KCMF1: variants seen among roughly 807,000 people sequenced by gnomAD.
The protein encoded by KCMF1 is E3 ubiquitin-protein ligase KCMF1.
Under a neutral mutation model 41.1 loss-of-function variants are expected in KCMF1, and 3 were observed. The observed-to-expected ratio is 0.07, with a 90% CI of 0.03 to 0.19. The LOEUF (loss-of-function observed/expected upper bound fraction) is 0.19. Ranked by LOEUF, KCMF1 falls within the 10% of genes least tolerant of loss-of-function variation. The probability of loss-of-function intolerance (pLI) is 1.00; values close to 1 mark genes in which losing one functional copy is unlikely to be tolerated. For missense variants in KCMF1, 286 were observed against 488.9 expected (o/e 0.58, Z 3.91); for synonymous variants, 142 against 164.5 (o/e 0.86, Z 1.04).
chr2:85,024,372 C>G (rs959913615), intron 1 of KCMF1, among the ~76,000 whole-genome samples: 5 of 152,132 alleles, frequency 3.3e-5, no homozygotes. Context: ...CCTTGGGAGG[C>G]TGAGGCAGGA....
chr2:85,009,871 C>A (rs780594946), intron 1 of KCMF1, among the ~76,000 whole-genome samples: 7 of 152,102 alleles, frequency 4.6e-5, no homozygotes, highest in Non-Finnish European at 1.0e-4. Context: ...TCTTAAAGAC[C>A]TTTTATCCAT....
chr2:85,018,427 G>A (rs992547082), intron 1 of KCMF1, among the ~76,000 whole-genome samples: 3 of 151,864 alleles, frequency 2.0e-5, no homozygotes, highest in African/African-American at 4.8e-5. Flanking sequence ...AGGCCAGCAC[G>A]CCAGGCTAAT....
At chr2:84,978,789 C>T (rs1673622352) in intron 1 of KCMF1, among the ~76,000 whole-genome samples, 1 of 152,058 alleles carries the variant, frequency 6.6e-6, no homozygotes, top group Non-Finnish European at 1.5e-5. Context: ...GATCTCAGCT[C>T]ACCACAACCT....
intron 1 of KCMF1, among the ~76,000 whole-genome samples, chr2:84,994,009 G>A (rs952000329): frequency 1.2e-4 from 18 of 151,736 alleles, no homozygotes; most frequent in Non-Finnish European, 1.8e-4. Flanking sequence ...GTGCAGTGGC[G>A]TGACCTCGGC....
rs1675763904 is a variant in KCMF1 at position 85,049,709 on chromosome 2, G to A, written c.884+61G>A. On this transcript the variant is annotated intron_variant, in intron 6 of 6. Coordinates refer to ENST00000409785, the MANE Select transcript of KCMF1 (RefSeq NM_020122.5). ...TAATATTTTATTGCCACTACAGTCT[G>A]GAATTATCTTTTCTCTTTTGTGCAT... is the stretch of plus-strand genomic sequence containing the variant. The A allele has an allele frequency of 3.8e-6, 5 of 1,318,530 alleles. No individual in the cohort carries two copies. In the South Asian group the frequency reaches 6.8e-5, roughly 18 times the overall value. 81.7% of individuals were successfully genotyped at this position (1,318,530 alleles called of 1,614,324 possible).
intron 2 of KCMF1, among the ~76,000 whole-genome samples, chr2:85,033,814 A>G (rs564158468): frequency 2.0e-5 from 3 of 152,188 alleles, no homozygotes; most frequent in African/African-American, 7.2e-5. Flanking sequence ...TTATTCCTTC[A>G]GATACACTTA....
At chr2:85,003,504 A>G (rs1266707550) in intron 1 of KCMF1, among the ~76,000 whole-genome samples, 1 of 151,890 alleles carries the variant, frequency 6.6e-6, no homozygotes, top group African/African-American at 2.4e-5. Context: ...CTTGTTTTAC[A>G]TACCCGTTTG....
intron 1 of KCMF1, among the ~76,000 whole-genome samples, chr2:84,985,594 G>A (rs1179411905): frequency 1.3e-5 from 2 of 151,502 alleles, no homozygotes; most frequent in Non-Finnish European, 2.9e-5. Context: ...ACTTTGGGAA[G>A]CCCAGGCAGG....
intron 6 of KCMF1, among the ~76,000 whole-genome samples, chr2:85,049,858 C>G (rs940129228): frequency 1.3e-5 from 2 of 152,098 alleles, no homozygotes; most frequent in Non-Finnish European, 2.9e-5. Flanking sequence ...AATACTGGGC[C>G]AGACCCAGTG....
intron 2 of KCMF1, among the ~76,000 whole-genome samples, chr2:85,028,480 T>C: frequency 1.6e-5 from 2 of 128,916 alleles, no homozygotes; most frequent in South Asian, 2.7e-4. Flanking sequence ...CCACTGTGCC[T>C]GGCTTTTTTT....
At chr2:85,000,390 TG>T (rs1674299677) in intron 1 of KCMF1, among the ~76,000 whole-genome samples, 1 of 152,354 alleles carries the variant, frequency 6.6e-6, no homozygotes, top group African/African-American at 2.4e-5. Context: ...CCCAAAGTGC[TG>T]GGATTACAGC....
intron 1 of KCMF1, among the ~76,000 whole-genome samples, chr2:84,993,658 C>T (rs1227044943): frequency 1.3e-5 from 2 of 151,928 alleles, no homozygotes; most frequent in Non-Finnish European, 2.9e-5. Context: ...TCACTGCACC[C>T]TCCACCTCCT....
At chr2:85,031,206 A>C (rs1170333200) in intron 2 of KCMF1, among the ~76,000 whole-genome samples, 1 of 152,218 alleles carries the variant, frequency 6.6e-6, no homozygotes, top group Non-Finnish European at 1.5e-5. Flanking sequence ...ATTATGTCGA[A>C]TCGGTAGATT....
chr2:84,981,232 C>A (rs147706995), intron 1 of KCMF1, among the ~76,000 whole-genome samples: 307 of 151,732 alleles, frequency 2.0e-3, no homozygotes, highest in African/African-American at 7.3e-3. Flanking sequence ...CTCTGTTGCC[C>A]AGGCTGGAGC....
intron 5 of KCMF1, among the ~76,000 whole-genome samples, chr2:85,049,025 C>G (rs1675739842): frequency 6.6e-6 from 1 of 152,152 alleles, no homozygotes. Flanking sequence ...ATTGAGAGAG[C>G]TTATATTATA....
intron 1 of KCMF1, among the ~76,000 whole-genome samples, chr2:84,979,862 G>T (rs980705594): frequency 6.7e-6 from 1 of 150,286 alleles, no homozygotes; most frequent in Non-Finnish European, 1.5e-5. Context: ...CACTATTGTT[G>T]CCCAGGCTGG....
chr2:84,982,389 C>CTTTTTTTGTTTT (rs1673784275), intron 1 of KCMF1, among the ~76,000 whole-genome samples: 1 of 47,254 alleles, frequency 2.1e-5, no homozygotes, highest in African/African-American at 8.9e-5. Context: ...TCCTTATTTT[C>CTTTTTTTGTTTT]TTTTTTTTTT....
At chr2:85,017,012 CTTT>C (rs768880385) in intron 1 of KCMF1, among the ~76,000 whole-genome samples, 13 of 99,530 alleles carry the variant, frequency 1.3e-4, no homozygotes, top group Admixed American at 3.6e-4. Context: ...AGATCCTCTT[CTTT>C]TTTTTTTTTT....
chr2:84,973,023 A>T (rs186833046), intron 1 of KCMF1, among the ~76,000 whole-genome samples: 3 of 152,326 alleles, frequency 2.0e-5, no homozygotes, highest in Non-Finnish European at 2.9e-5. Context: ...TCGTAATTAA[A>T]GTTATAATCA....
Sources: allele counts gnomAD v4.1 joint callset (sites outside exome capture counted in the v4.1 genomes callset), GRCh38; gene constraint gnomAD v4.1.1; transcripts MANE v1.5; gene names NCBI Gene and HGNC (gene_info 2026-07-23, HGNC 2026-07-21).